The following F8 variants were observed in gnomAD, a reference collection of about 807,000 sequenced individuals.
F8 encodes the protein antihemophilic factor.
In F8, 12 loss-of-function variants were observed where a neutral mutation model predicts 140.6. The ratio of observed to expected loss-of-function variants is 0.09; its 90% CI spans 0.05 to 0.14. The LOEUF (loss-of-function observed/expected upper bound fraction) is 0.14, where lower values mean the gene tolerates loss of function less well. Among genes scored for constraint, F8 ranks in the 10% least tolerant of loss-of-function variants. The pLI is 1.00. For missense variants in F8, 1,354 were observed against 1,720.7 expected (o/e 0.79, Z 3.77); for synonymous variants, 585 against 614.6 (o/e 0.95, Z 0.71).
Position 154,846,912 on chromosome X carries a change from T to A in F8, c.6901-9160A>T, listed in dbSNP as rs142192453. Among the ~76,000 whole-genome samples, 513 of 112,391 alleles carry A rather than the reference T, an allele frequency of 4.6e-3. 3 individuals carry two copies. Among genetic ancestry groups the A allele is most frequent in the African/African-American group, 0.016 (491 of 30,906 alleles). Reference sequence around the variant, plus strand: ...TTTACAATTTGGGATGTTTTTGCAGTGGCTGGTACCGGTTGTTCCTTTCTA... The same window carrying A: ...TTTACAATTTGGGATGTTTTTGCAGAGGCTGGTACCGGTTGTTCCTTTCTA... On this transcript the variant is annotated intron_variant, in intron 25 of 25. Coordinates refer to ENST00000360256, the MANE Select transcript of F8 (RefSeq NM_000132.4).
rs2072482155 is a variant in F8, at chrX:154,837,434, C to T, written c.*163G>A. On this transcript the variant is annotated 3_prime_UTR_variant, in exon 26 of 26. Coordinates refer to ENST00000360256, the MANE Select transcript of F8 (RefSeq NM_000132.4). ...TTAAATTGGATGCACCCTCCTGGCCCCCCACCAAAGAAATGCAGGACTGAT... is the reference window on the plus strand; with the variant it reads ...TTAAATTGGATGCACCCTCCTGGCCTCCCACCAAAGAAATGCAGGACTGAT... 1 of 561,900 alleles carries T rather than the reference C, an allele frequency of 1.8e-6. No homozygotes were observed. The highest frequency in any genetic ancestry group is 2.8e-6 in the Non-Finnish European group (1 of 352,824). 46.3% of individuals were successfully genotyped at this position (561,900 alleles called of 1,213,427 possible).
Position 154,850,083 on chromosome X carries a change from TTGTGTG to T in F8, c.6900+10343_6900+10348del, listed in dbSNP as rs60052978. ...AGATCAAGGGGTAGGCAGGCTTGTT[TTGTGTG>T]TGTGTGTGTGTGTGTGTGTGTGTGT... On this transcript the variant is annotated intron_variant, in intron 25 of 25. Coordinates refer to ENST00000360256, the MANE Select transcript of F8 (RefSeq NM_000132.4). Among the ~76,000 whole-genome samples, 127 of 96,075 alleles carry T rather than the reference TTGTGTG, an allele frequency of 1.3e-3. 1 individual carries two copies. The East Asian group carries it at 0.022, about 17-fold the overall frequency. The allele number at this position is 96,075 out of a possible 115,157, so 83.4% of individuals were successfully genotyped here. A position where few individuals can be genotyped will look rare whatever the true frequency, so the allele number is the denominator to read the frequency against.
At chrX:154,838,844 T>C (rs1207723044) in intron 25 of F8, among the ~76,000 whole-genome samples, 1 of 111,239 alleles carries the variant, frequency 9.0e-6, no homozygotes, top group Non-Finnish European at 1.9e-5. Flanking sequence ...TTCATCTAGC[T>C]ACATTTTCCC....
intron 22 of F8, among the ~76,000 whole-genome samples, chrX:154,876,345 T>A (rs1237178999): frequency 6.3e-5 from 7 of 110,585 alleles, no homozygotes; most frequent in African/African-American, 2.3e-4. Flanking sequence ...GGTCTCAATC[T>A]CCTGACCTTG....
intron 10 of F8, 60 bp downstream of exon 10, chrX:154,961,015 G>T: frequency 1.3e-6 from 1 of 768,435 alleles, no homozygotes; most frequent in Non-Finnish European, 2.0e-6. Flanking sequence ...TGTTATTGAT[G>T]ATATTTATCT....
At chrX:154,875,404 T>C (rs1030156432) in intron 22 of F8, among the ~76,000 whole-genome samples, 6 of 112,320 alleles carry the variant, frequency 5.3e-5, no homozygotes, top group Non-Finnish European at 9.4e-5. Context: ...GAGATAGATA[T>C]ATCTTAATTA....
At chrX:154,975,106 T>A (rs1557282869) in intron 6 of F8, among the ~76,000 whole-genome samples, 1 of 111,918 alleles carries the variant, frequency 8.9e-6, no homozygotes, top group Non-Finnish European at 1.9e-5. Context: ...CTGTATTCAT[T>A]CATTTCTTCT....
intron 6 of F8, among the ~76,000 whole-genome samples, 184 bp downstream of exon 6, chrX:154,984,503 C>T (rs1557284020): frequency 9.0e-6 from 1 of 111,401 alleles, no homozygotes; most frequent in East Asian, 2.8e-4. Context: ...ATGGGTAAGC[C>T]TTCATTTTCA....
At chrX:154,989,086 G>C (rs1370180655) in intron 4 of F8, among the ~76,000 whole-genome samples, 1 of 111,605 alleles carries the variant, frequency 9.0e-6, no homozygotes, top group Non-Finnish European at 1.9e-5. Context: ...CTTTGTTGTT[G>C]GTTTTCAGCG....
At chrX:154,984,494 T>C (rs2073546821) in intron 6 of F8, among the ~76,000 whole-genome samples, 193 bp downstream of exon 6, 1 of 111,882 alleles carries the variant, frequency 8.9e-6, no homozygotes, top group Non-Finnish European at 1.9e-5. Flanking sequence ...TGTATGTACA[T>C]GGGTAAGCCT....
chrX:155,011,607 TC>T (rs2124162878), intron 1 of F8, among the ~76,000 whole-genome samples: 1 of 112,184 alleles, frequency 8.9e-6, no homozygotes, highest in East Asian at 2.8e-4. Context: ...ACATGAATGT[TC>T]TATAGCAGCA....
chrX:154,987,449 T>C, intron 4 of F8, 144 bp from the exon 5 acceptor site: 6 of 521,675 alleles, frequency 1.2e-5, no homozygotes, highest in Non-Finnish European at 2.0e-5. Context: ...GGCTTTGATG[T>C]CAGGTCTCCT....
intron 1 of F8, among the ~76,000 whole-genome samples, chrX:155,009,796 A>C (rs1410030792): frequency 2.7e-5 from 3 of 111,908 alleles, no homozygotes; most frequent in African/African-American, 9.8e-5. Flanking sequence ...TATAAGACAC[A>C]TATAAAATAT....
At chrX:154,963,917 T>C (rs1237267505) in intron 9 of F8, among the ~76,000 whole-genome samples, 4 of 110,588 alleles carry the variant, frequency 3.6e-5, no homozygotes, top group African/African-American at 9.9e-5. Context: ...CTCAGCTCAC[T>C]GCAACCTCCG....
chrX:154,917,739 T>C (rs782600623), intron 14 of F8, among the ~76,000 whole-genome samples: 37 of 112,186 alleles, frequency 3.3e-4, no homozygotes, highest in African/African-American at 1.0e-3. Context: ...ATTTTTTTTT[T>C]CCGTTCAGTT....
chrX:154,860,688 C>T (rs782073212), intron 24 of F8, 80 bp from the exon 25 acceptor site: 104 of 924,352 alleles, frequency 1.1e-4, no homozygotes, highest in Non-Finnish European at 1.4e-4. Context: ...TTAACCATAC[C>T]ACAGCACTTC....
At chrX:154,854,665 C>G (rs370324549) in intron 25 of F8, among the ~76,000 whole-genome samples, 7 of 109,844 alleles carry the variant, frequency 6.4e-5, no homozygotes, top group African/African-American at 9.9e-5. Context: ...GGAACCATGA[C>G]TAATACAGAT....
At position 154,929,271 on chromosome X, in the gene F8, T is replaced by C; in HGVS notation, c.4519A>G (p.Thr1507Ala). 8.3e-7 allele frequency: 1 copy of C among 1,211,981 alleles called. No homozygotes were observed. Among genetic ancestry groups the C allele is most frequent in the Middle Eastern group, 2.3e-4 (1 of 4,353 alleles). The change falls in exon 14 of 26, where the codon ACA becomes GCA. Residue 1507 changes from threonine to alanine, a missense_variant. Physicochemically the swap from Thr to Ala is moderately conservative, Grantham distance 58. Around this residue, in one of 4 missense-constraint regions of F8, gnomAD observed 658 missense variants for 666.5 expected, o/e 0.99. Transcript: ENST00000360256. ...TVLPKPDLPK[T>A]SGKVELLPKV... ...GGAAGCAATTCAACTTTGCCAGATG[T>C]TTTGGGCAAGTCTGGTTTCGGGAGA...
At chrX:154,996,429 C>T (rs2073617569) in intron 3 of F8, among the ~76,000 whole-genome samples, 1 of 112,141 alleles carries the variant, frequency 8.9e-6, no homozygotes. Context: ...GCTCCATCCC[C>T]TAAGTATAGG....
Sources: allele counts gnomAD v4.1 joint callset (sites outside exome capture counted in the v4.1 genomes callset), GRCh38; gene constraint gnomAD v4.1.1; regional missense constraint gnomAD v4.1.1; transcripts MANE v1.5; gene names NCBI Gene and HGNC (gene_info 2026-07-23, HGNC 2026-07-21).